Variants in FAM107B observed in about 807,000 individuals in gnomAD.
FAM107B encodes the protein family with sequence similarity 107 member B.
A neutral mutation model predicts 31.5 loss-of-function variants in FAM107B; 21 were observed. That is an observed-to-expected ratio of 0.67 (90% CI 0.47 to 0.96). The LOEUF (loss-of-function observed/expected upper bound fraction) is 0.96, where lower values mean the gene tolerates loss of function less well. Ranked by LOEUF, FAM107B falls within the 40% of genes least tolerant of loss-of-function variation. The pLI is 0.00. For synonymous variants in FAM107B, 157 were observed against 141.5 expected, an observed-to-expected ratio of 1.11 and a Z score of -0.78; for missense variants, 452 against 377.1, an observed-to-expected ratio of 1.20 and a Z score of -1.64.
chr10:14,527,023 G>A (rs1846324041), intron 3 of FAM107B, among the ~76,000 whole-genome samples: 1 of 151,990 alleles, frequency 6.6e-6, no homozygotes, highest in Non-Finnish European at 1.5e-5. Context: ...ATTTTTAGTA[G>A]AGATGGGGTT....
rs147609287 is a variant in FAM107B at position 14,542,269 on chromosome 10, CAA to C, written c.470-11756_470-11755del. ...TGGGCAATGCAGTGAGACTCCATCT[CAA>C]AAAAAAAAAAAAAAAAAAGTATTGA... On this transcript the variant is annotated intron_variant, in intron 2 of 4. Coordinates refer to ENST00000181796, the MANE Select transcript of FAM107B (RefSeq NM_031453.4). Among the ~76,000 whole-genome samples, 45 of 55,954 alleles carry C rather than the reference CAA, an allele frequency of 8.0e-4. No homozygotes were observed. In the East Asian group the frequency reaches 0.013, roughly 16 times the overall value. The allele number at this position is 55,954 out of a possible 152,430, so 36.7% of individuals were successfully genotyped here.
At chr10:14,591,407 G>A (rs571361553) in intron 2 of FAM107B, among the ~76,000 whole-genome samples, 2 of 152,158 alleles carry the variant, frequency 1.3e-5, no homozygotes, top group Non-Finnish European at 2.9e-5. Flanking sequence ...AACAGGAGGC[G>A]CTCACAGTAA....
chr10:14,629,192 A>G (rs912789721), intron 2 of FAM107B, among the ~76,000 whole-genome samples: 28 of 140,864 alleles, frequency 2.0e-4, no homozygotes, highest in Non-Finnish European at 3.0e-4. Flanking sequence ...AAGTATATAT[A>G]TACTATATAT....
chr10:14,725,289 G>A (rs1168607359), intron 1 of FAM107B, among the ~76,000 whole-genome samples: 1 of 152,194 alleles, frequency 6.6e-6, no homozygotes, highest in East Asian at 1.9e-4. Context: ...TATAGAGAAT[G>A]GGTGGGAGAA....
intron 2 of FAM107B, among the ~76,000 whole-genome samples, chr10:14,546,841 T>C (rs1848740403): frequency 6.6e-6 from 1 of 152,140 alleles, no homozygotes; most frequent in South Asian, 2.1e-4. Flanking sequence ...CATCAGAACA[T>C]AATGAATGCT....
intron 2 of FAM107B, among the ~76,000 whole-genome samples, chr10:14,623,960 G>A (rs1436859644): frequency 6.6e-6 from 1 of 152,198 alleles, no homozygotes; most frequent in African/African-American, 2.4e-5. Flanking sequence ...GAACACTGGT[G>A]AAGACACCAC....
chr10:14,672,995 C>T (rs1268142501), intron 1 of FAM107B, among the ~76,000 whole-genome samples: 1 of 152,062 alleles, frequency 6.6e-6, no homozygotes, highest in African/African-American at 2.4e-5. Context: ...GGCTTGGTTC[C>T]ATTCTTTTAA....
At chr10:14,728,184 C>A (rs1034222390) in intron 1 of FAM107B, among the ~76,000 whole-genome samples, 15 of 152,192 alleles carry the variant, frequency 9.9e-5, no homozygotes, top group African/African-American at 3.6e-4. Context: ...TCATTATTTG[C>A]ATTTTTAATA....
rs574162532 is a variant in FAM107B, at chr10:14,669,110, G to A, written c.412-1419C>T. Among the ~76,000 whole-genome samples, 52 of 152,296 alleles carry A rather than the reference G, an allele frequency of 3.4e-4. No homozygotes were observed. The East Asian group carries it at 8.9e-3, about 26-fold the overall frequency. The stretch of plus-strand genomic sequence containing the variant: ...AGGCCAGTTGTGGTGGCTGACACCT[G>A]TAATCCTAGCACTTTGGGAGGCCGA... On this transcript the variant is annotated intron_variant, in intron 1 of 4. Transcript: ENST00000181796.
chr10:14,655,416 A>T (rs1447292954), intron 2 of FAM107B, among the ~76,000 whole-genome samples: 1 of 152,152 alleles, frequency 6.6e-6, no homozygotes, highest in Non-Finnish European at 1.5e-5. Flanking sequence ...AGCCTCACAA[A>T]TATTTTGTTT....
intron 2 of FAM107B, among the ~76,000 whole-genome samples, chr10:14,603,437 T>C (rs1361436127): frequency 6.6e-6 from 1 of 152,204 alleles, no homozygotes; most frequent in Non-Finnish European, 1.5e-5. Flanking sequence ...TTGCCTAAAA[T>C]CTTTGGGAGG....
intron 2 of FAM107B, among the ~76,000 whole-genome samples, chr10:14,658,566 T>C (rs1195706823): frequency 6.6e-6 from 1 of 152,204 alleles, no homozygotes; most frequent in East Asian, 1.9e-4. Flanking sequence ...CAAACAACCA[T>C]TACTTTTCAG....
chr10:14,752,135 C>T (rs531301222), intron 1 of FAM107B, among the ~76,000 whole-genome samples: 3 of 152,318 alleles, frequency 2.0e-5, no homozygotes, highest in African/African-American at 7.2e-5. Flanking sequence ...AGGCAGCAGA[C>T]TCCCGCAGGG....
intron 2 of FAM107B, among the ~76,000 whole-genome samples, chr10:14,629,378 A>ATG (rs1414155416): frequency 2.9e-4 from 3 of 10,284 alleles, no homozygotes; most frequent in African/African-American, 8.5e-4. Flanking sequence ...TATTTAATAT[A>ATG]TATAATATAT....
At chr10:14,681,322 G>A (rs1854829595) in intron 1 of FAM107B, among the ~76,000 whole-genome samples, 1 of 152,154 alleles carries the variant, frequency 6.6e-6, no homozygotes, top group African/African-American at 2.4e-5. Context: ...GGCAGGTATG[G>A]TCTGATGCTC....
intron 1 of FAM107B, chr10:14,723,757 G>T (rs1378134688): frequency 1.2e-5 from 9 of 757,854 alleles, no homozygotes; most frequent in Non-Finnish European, 1.9e-5. Flanking sequence ...GAAGTGGCCA[G>T]CAATTAGAGT....
chr10:14,751,450 T>C (rs1832825990), intron 1 of FAM107B, among the ~76,000 whole-genome samples: 1 of 151,974 alleles, frequency 6.6e-6, no homozygotes, highest in Admixed American at 6.6e-5. Flanking sequence ...TTCGAAGCAC[T>C]GGGCAGAGCT....
At chr10:14,689,675 C>T (rs1209126015) in intron 1 of FAM107B, among the ~76,000 whole-genome samples, 1 of 152,046 alleles carries the variant, frequency 6.6e-6, no homozygotes, top group African/African-American at 2.4e-5. Context: ...AAAAAAGATA[C>T]CTTGGCTGGG....
At chr10:14,604,118 C>CCCCCCCCCCCCG in intron 2 of FAM107B, 3 of 486,118 alleles carry the variant, frequency 6.2e-6, no homozygotes, top group South Asian at 9.1e-5. Context: ...ACGGGGACCC[C>CCCCCCCCCCCCG]CCACCCGCCC....
Sources: allele counts gnomAD v4.1 joint callset (sites outside exome capture counted in the v4.1 genomes callset), GRCh38; gene constraint gnomAD v4.1.1; transcripts MANE v1.5; gene names NCBI Gene and HGNC (gene_info 2026-07-23, HGNC 2026-07-21).